The following ARHGEF9 variants were observed in gnomAD, a reference collection of about 807,000 sequenced individuals.
ARHGEF9 encodes the protein Cdc42 guanine nucleotide exchange factor 9, also known as rho guanine nucleotide exchange factor 9.
ARHGEF9 carries 2 observed loss-of-function variants against 41.3 expected under a neutral mutation model. That is an observed-to-expected ratio of 0.05 (90% confidence interval 0.02 to 0.15). ARHGEF9 has a LOEUF of 0.15. ARHGEF9 is among the 10% of genes least tolerant of loss of function. The pLI is 1.00. For missense variants in ARHGEF9, 225 were observed against 424.7 expected, an observed-to-expected ratio of 0.53 and a Z score of 4.13; for synonymous variants, 160 against 154.4, an observed-to-expected ratio of 1.04 and a Z score of -0.27.
intron 6 of ARHGEF9, among the ~76,000 whole-genome samples, chrX:63,673,516 G>A (rs1170711947): frequency 9.0e-6 from 1 of 110,980 alleles, no homozygotes; most frequent in Admixed American, 9.6e-5. Flanking sequence ...AAAAACAGAT[G>A]TGAAAACTGT....
intron 6 of ARHGEF9, among the ~76,000 whole-genome samples, chrX:63,666,549 C>T (rs1173588078): frequency 9.3e-6 from 1 of 108,024 alleles, no homozygotes; most frequent in Admixed American, 1.0e-4. Context: ...GTCTCTCAAT[C>T]CCTGCTCTGG....
At chrX:63,754,413 T>A in intron 1 of ARHGEF9, 1 of 1,183,591 alleles carries the variant, frequency 8.4e-7, no homozygotes. Context: ...CTGTGATTTT[T>A]TTTTTTTCTC....
At chrX:63,695,092 C>CT (rs1556386208) in intron 4 of ARHGEF9, among the ~76,000 whole-genome samples, 1 of 111,312 alleles carries the variant, frequency 9.0e-6, no homozygotes, top group Non-Finnish European at 1.9e-5. Context: ...ATAAGTGATT[C>CT]TTTTTTTTCC....
chrX:63,712,863 C>T (rs1429724884), intron 2 of ARHGEF9: 1 of 111,639 alleles, frequency 9.0e-6, no homozygotes, highest in Non-Finnish European at 1.9e-5. Flanking sequence ...GTCAACCTCT[C>T]TCCTTGCATT....
chrX:63,685,604 A>G (rs1224184260), intron 4 of ARHGEF9, among the ~76,000 whole-genome samples: 2 of 112,381 alleles, frequency 1.8e-5, no homozygotes, highest in African/African-American at 6.4e-5. Context: ...GTGGGTTACT[A>G]TTACAAGAAT....
intron 8 of ARHGEF9, chrX:63,644,292 A>G (rs1348189912): frequency 3.7e-6 from 1 of 272,572 alleles, no homozygotes; most frequent in East Asian, 5.9e-5. Flanking sequence ...AGCCAAAAAA[A>G]GAATTATGAA....
intron 8 of ARHGEF9, among the ~76,000 whole-genome samples, chrX:63,647,831 G>A (rs1242020581): frequency 9.0e-6 from 1 of 111,217 alleles, no homozygotes; most frequent in African/African-American, 3.3e-5. Flanking sequence ...TGTACCTCTG[G>A]TAGAATTTGG....
intron 4 of ARHGEF9, among the ~76,000 whole-genome samples, chrX:63,687,301 G>A (rs2051048001): frequency 9.0e-6 from 1 of 111,508 alleles, no homozygotes; most frequent in East Asian, 2.8e-4. Context: ...TCTGGGTTCA[G>A]GGTGCCATCT....
intron 5 of ARHGEF9, among the ~76,000 whole-genome samples, chrX:63,675,220 T>C (rs1177837130): frequency 1.8e-5 from 2 of 111,701 alleles, no homozygotes; most frequent in African/African-American, 3.3e-5. Flanking sequence ...TTTTGTTACA[T>C]CACTTTTTTT....
In ARHGEF9 at chrX:63,738,241, A is replaced by G. The variant is rs2054733264; in HGVS notation, c.31-13530T>C. Among the ~76,000 whole-genome samples the G allele has an allele frequency of 2.7e-5, 3 of 112,157 alleles. No homozygotes were observed. The East Asian group carries it at 8.4e-4, about 31-fold the overall frequency. On this transcript the variant is annotated intron_variant, in intron 1 of 9. Coordinates refer to ENST00000671741, the MANE Select transcript of ARHGEF9 (RefSeq NM_001353921.2). ...TTGTATATTACCATAAAAAAGAGAA[A>G]GAGGAATATATTCATATTTGTTTAT...
intron 1 of ARHGEF9, among the ~76,000 whole-genome samples, chrX:63,783,054 C>G (rs2056406371): frequency 8.9e-6 from 1 of 112,115 alleles, no homozygotes; most frequent in Non-Finnish European, 1.9e-5. Context: ...TCCCCATCAA[C>G]CAATCCTTAA....
At chrX:63,689,842 C>A (rs2051225054) in intron 4 of ARHGEF9, among the ~76,000 whole-genome samples, 1 of 111,873 alleles carries the variant, frequency 8.9e-6, no homozygotes, top group East Asian at 2.8e-4. Context: ...GTAAGAAGAG[C>A]ACTTAAGAAA....
chrX:63,768,203 T>C (rs1459420305), intron 1 of ARHGEF9, among the ~76,000 whole-genome samples: 1 of 111,838 alleles, frequency 8.9e-6, no homozygotes, highest in African/African-American at 3.2e-5. Flanking sequence ...CATAGCTTGG[T>C]TCCCACTTAT....
At chrX:63,655,017 T>C (rs1159949734) in intron 8 of ARHGEF9, among the ~76,000 whole-genome samples, 2 of 112,491 alleles carry the variant, frequency 1.8e-5, no homozygotes, top group Non-Finnish European at 1.9e-5. Context: ...AGTCCTGTTA[T>C]ATTTTCTATA....
At chrX:63,708,580 A>G (rs1258461498) in intron 2 of ARHGEF9, among the ~76,000 whole-genome samples, 8 of 111,868 alleles carry the variant, frequency 7.2e-5, no homozygotes, top group African/African-American at 2.6e-4. Context: ...TTGGTAGAGA[A>G]GTCCTTCTGG....
chrX:63,723,015 C>G (rs1189587088), intron 2 of ARHGEF9: 1 of 111,738 alleles, frequency 8.9e-6, no homozygotes, highest in South Asian at 3.8e-4. Context: ...ACTGTCCCAA[C>G]CAGGTAACAA....
chrX:63,699,040 A>G (rs565879858), intron 3 of ARHGEF9, among the ~76,000 whole-genome samples: 1 of 111,389 alleles, frequency 9.0e-6, no homozygotes, highest in Non-Finnish European at 1.9e-5. Context: ...CTAATATGTA[A>G]TTCCCAGAGC....
intron 1 of ARHGEF9, among the ~76,000 whole-genome samples, chrX:63,761,540 A>G (rs782135711): frequency 5.5e-4 from 62 of 111,855 alleles, no homozygotes; most frequent in Middle Eastern, 9.2e-3. Flanking sequence ...TATGGAAAGT[A>G]TTCTCTGCTA....
chrX:63,656,273 A>G (rs2048872843), intron 7 of ARHGEF9, among the ~76,000 whole-genome samples: 2 of 111,606 alleles, frequency 1.8e-5, no homozygotes, highest in South Asian at 3.8e-4. Context: ...CCAGTCTGCC[A>G]AGAGAAATGG....
Sources: gnomAD v4.1 joint callset for allele counts (sites outside exome capture counted in the v4.1 genomes callset) on GRCh38, gnomAD v4.1.1 for gene constraint, MANE v1.5 for transcripts, NCBI Gene and HGNC (gene_info 2026-07-23, HGNC 2026-07-21) for gene names.